TMED10: variants seen among roughly 807,000 people sequenced by gnomAD.
The protein encoded by TMED10 is transmembrane emp24 domain-containing protein 10.
TMED10 carries 7 observed loss-of-function variants against 23.1 expected under a neutral mutation model. The ratio of observed to expected loss-of-function variants is 0.30; its 90% CI spans 0.17 to 0.57. TMED10 has a LOEUF of 0.57. TMED10 is among the 20% of genes least tolerant of loss of function. The probability of loss-of-function intolerance (pLI) is 0.91; values close to 1 mark genes in which losing one functional copy is unlikely to be tolerated. For missense variants in TMED10, 162 were observed against 274.8 expected, an observed-to-expected ratio of 0.59 and a Z score of 2.90; for synonymous variants, 113 against 106.9, an observed-to-expected ratio of 1.06 and a Z score of -0.35.
chr14:75,162,930 G>T (rs575826843), intron 1 of TMED10, among the ~76,000 whole-genome samples: 1 of 151,764 alleles, frequency 6.6e-6, no homozygotes, highest in African/African-American at 2.4e-5. Flanking sequence ...ACCTGGCCAG[G>T]GTCCTCAAAA....
rs73311670 is a variant in TMED10 at position 75,151,872 on chromosome 14, C to T, written c.337+160G>A. 0.018 allele frequency among the ~76,000 whole-genome samples: 2,701 copies of T among 152,222 alleles called. 86 individuals are homozygous for T. The highest frequency in any genetic ancestry group is 0.063 in the African/African-American group (2,599 of 41,520). On this transcript the variant is annotated intron_variant, in intron 2 of 4. Coordinates refer to ENST00000303575, the MANE Select transcript of TMED10 (RefSeq NM_006827.6). Reference sequence around the variant, plus strand: ...TATTCAATCTTTTATTCCATGTAGTCGACCTTTTAAAAGGTGCTCCAAAGA... The same window carrying T: ...TATTCAATCTTTTATTCCATGTAGTTGACCTTTTAAAAGGTGCTCCAAAGA...
intron 4 of TMED10, among the ~76,000 whole-genome samples, 172 bp from the exon 5 acceptor site, chr14:75,135,178 GTGTAATCCCAGCC>G (rs796944472): frequency 1.6e-3 from 246 of 152,206 alleles, no homozygotes; most frequent in African/African-American, 5.7e-3. Context: ...GCTGGGCATG[GTGTAATCCCAGCC>G]TGTAATCCCA....
chr14:75,176,495 C>T lies in TMED10; in HGVS notation c.85G>A (p.Val29Ile), dbSNP rs1238082280. ...LLLFLLGPRL[V>I]LAISFHLPIN... The stretch of plus-strand genomic sequence containing the variant: ...GGCAGATGGAAGGAGATGGCAAGGA[C>T]CAATCTGGGGCCGAGCAGGAACAAA... Residue 29 changes from valine (V) to isoleucine (I), a missense_variant, in exon 1 of 5, where the codon GTC (valine) becomes ATC (isoleucine). Physicochemically the swap from Val to Ile is conservative, Grantham distance 29 (BLOSUM62 3). Transcript: ENST00000303575. 8.7e-6 allele frequency: 14 copies of T among 1,614,064 alleles called. No homozygotes were observed. Among genetic ancestry groups the T allele is most frequent in the Non-Finnish European group, 1.2e-5 (14 of 1,180,038 alleles).
intron 1 of TMED10, among the ~76,000 whole-genome samples, chr14:75,158,819 G>A (rs752840609): frequency 6.6e-6 from 1 of 152,150 alleles, no homozygotes; most frequent in Non-Finnish European, 1.5e-5. Context: ...AGCTACTGAG[G>A]AGGCTGAGGC....
intron 1 of TMED10, among the ~76,000 whole-genome samples, chr14:75,174,676 T>G (rs1433658126): frequency 6.6e-6 from 1 of 152,188 alleles, no homozygotes; most frequent in Non-Finnish European, 1.5e-5. Context: ...ATAAATTACA[T>G]GTATTACCAC....
rs145634067 is a variant in TMED10, at chr14:75,170,596, A to G, written c.225+5759T>C. ...AATGGAAACAACTGCCTAAAACACA[A>G]TGATTCTAAAAGTTGAAGCCAACAA... is the stretch of plus-strand genomic sequence containing the variant. On this transcript the variant is annotated intron_variant, in intron 1 of 4. Coordinates refer to ENST00000303575, the MANE Select transcript of TMED10 (RefSeq NM_006827.6). Among the ~76,000 whole-genome samples, 174 of 152,330 alleles carry G rather than the reference A, an allele frequency of 1.1e-3. 1 individual carries two copies. Among genetic ancestry groups the G allele is most frequent in the African/African-American group, 4.2e-3 (173 of 41,590 alleles).
intron 1 of TMED10, among the ~76,000 whole-genome samples, chr14:75,174,111 G>C (rs1896269991): frequency 6.6e-6 from 1 of 152,140 alleles, no homozygotes; most frequent in African/African-American, 2.4e-5. Flanking sequence ...TACAGTTCCT[G>C]TTATTTATAG....
chr14:75,160,655 A>G (rs1012532921), intron 1 of TMED10, among the ~76,000 whole-genome samples: 2 of 152,254 alleles, frequency 1.3e-5, no homozygotes, highest in Non-Finnish European at 2.9e-5. Context: ...ATACCAAGCT[A>G]TAAAATTTGC....
At chr14:75,166,939 CTTTT>C (rs35308116) in intron 1 of TMED10, among the ~76,000 whole-genome samples, 7 of 114,556 alleles carry the variant, frequency 6.1e-5, no homozygotes, top group East Asian at 2.2e-4. Flanking sequence ...CATCCTATTC[CTTTT>C]TTTTTTTTTT....
intron 1 of TMED10, among the ~76,000 whole-genome samples, chr14:75,173,927 T>C (rs1896267777): frequency 6.6e-6 from 1 of 152,144 alleles, no homozygotes; most frequent in African/African-American, 2.4e-5. Context: ...GACTGGATTT[T>C]AGCATGTTGC....
chr14:75,161,378 C>T (rs1896083555), intron 1 of TMED10, among the ~76,000 whole-genome samples: 1 of 152,084 alleles, frequency 6.6e-6, no homozygotes, highest in Non-Finnish European at 1.5e-5. Flanking sequence ...TTATCAAGAA[C>T]CTAAATTGAG....
At chr14:75,154,458 C>CA (rs1297056028) in intron 1 of TMED10, among the ~76,000 whole-genome samples, 1 of 106,146 alleles carries the variant, frequency 9.4e-6, no homozygotes, top group Non-Finnish European at 1.9e-5. Context: ...CACTTATATT[C>CA]AAAAATAATA....
chr14:75,154,237 CAAA>C (rs78523802), intron 1 of TMED10, among the ~76,000 whole-genome samples: 1 of 122,798 alleles, frequency 8.1e-6, no homozygotes, highest in Non-Finnish European at 1.7e-5. Flanking sequence ...ACTAAAAATA[CAAA>C]AAAAAAAAAA....
rs1566667203 is a variant in TMED10, at chr14:75,132,398, A to ACCC, written c.*2486_*2487insGGG. ...GCAAGACTCCGTCCCCCCCCCCCCA[A>ACCC]AAAAAAAAAAGTTTAAGGATGTATC... On this transcript the variant is annotated 3_prime_UTR_variant, in exon 5 of 5. Coordinates refer to ENST00000303575, the MANE Select transcript of TMED10 (RefSeq NM_006827.6). 9.0e-4 allele frequency: 47 copies of ACCC among 52,454 alleles called. 1 individual carries two copies. Among genetic ancestry groups the ACCC allele is most frequent in the Non-Finnish European group, 1.7e-3 (39 of 23,438 alleles). 3.2% of individuals were successfully genotyped at this position (52,454 alleles called of 1,614,324 possible).
intron 1 of TMED10, among the ~76,000 whole-genome samples, chr14:75,152,722 C>T (rs941606329): frequency 2.0e-5 from 3 of 152,076 alleles, no homozygotes; most frequent in Non-Finnish European, 2.9e-5. Flanking sequence ...AGAGTGGGAA[C>T]AAAACACAGG....
intron 1 of TMED10, among the ~76,000 whole-genome samples, chr14:75,175,690 T>C (rs372439633): frequency 6.6e-6 from 1 of 151,712 alleles, no homozygotes; most frequent in Non-Finnish European, 1.5e-5. Context: ...TGTATACATA[T>C]GTAACAAACC....
chr14:75,176,119 C>T, intron 1 of TMED10: 1 of 582,396 alleles, frequency 1.7e-6, no homozygotes. Context: ...TCAGGTGTCA[C>T]CACATCCGCC....
chr14:75,172,597 C>T (rs554782608), intron 1 of TMED10, among the ~76,000 whole-genome samples: 21 of 152,098 alleles, frequency 1.4e-4, no homozygotes, highest in Non-Finnish European at 2.9e-4. Context: ...CATGAGCCAC[C>T]GCGCCTGGCC....
At chr14:75,135,548 T>A in intron 4 of TMED10, 1 of 559,406 alleles carries the variant, frequency 1.8e-6, no homozygotes, top group Non-Finnish European at 3.1e-6. Context: ...TAATTGAGGA[T>A]GTTGTCACCT....
Sources: gnomAD v4.1 joint callset for allele counts (sites outside exome capture counted in the v4.1 genomes callset) on GRCh38, gnomAD v4.1.1 for gene constraint, MANE v1.5 for transcripts, NCBI Gene and HGNC (gene_info 2026-07-23, HGNC 2026-07-21) for gene names.